The following TNS1 variants were observed in gnomAD, a reference collection of about 807,000 sequenced individuals.
TNS1 encodes tensin-1.
A neutral mutation model predicts 168.6 loss-of-function variants in TNS1; 62 were observed. The observed-to-expected ratio is 0.37, with a 90% CI of 0.30 to 0.45. The LOEUF is 0.45. Among genes scored for constraint, TNS1 ranks in the 20% least tolerant of loss-of-function variants. The pLI, the probability that TNS1 is intolerant of heterozygous loss-of-function variation, is 1.00. For missense variants in TNS1, 2,240 were observed against 2,339.4 expected (o/e 0.96, Z 0.88); for synonymous variants, 934 against 933.2 (o/e 1.00, Z -0.02).
intron 3 of TNS1, among the ~76,000 whole-genome samples, chr2:217,968,153 T>G (rs58487918): frequency 0.018 from 2,799 of 152,356 alleles, 81 homozygotes; most frequent in African/African-American, 0.064. Flanking sequence ...CTCAACCTGA[T>G]GAAGGGCATC....
intron 18 of TNS1, among the ~76,000 whole-genome samples, chr2:217,877,999 C>T (rs886301231): frequency 6.6e-6 from 1 of 152,154 alleles, no homozygotes; most frequent in Non-Finnish European, 1.5e-5. Context: ...AGGCAGGGGG[C>T]CACTTTCAGA....
At chr2:217,943,053 ATCAGAG>A (rs2125946993) in intron 3 of TNS1, among the ~76,000 whole-genome samples, 1 of 152,186 alleles carries the variant, frequency 6.6e-6, no homozygotes, top group Admixed American at 6.5e-5. Flanking sequence ...CAGGCAGGGC[ATCAGAG>A]TCAGAGGACA....
intron 22 of TNS1, chr2:217,830,133 G>C (rs1944205966): frequency 2.1e-6 from 1 of 479,938 alleles, no homozygotes; most frequent in Admixed American, 6.4e-5. Context: ...AAGGCTCCGA[G>C]GCATAGTTGA....
At chr2:217,805,527 A>ACCACACACCAC (rs1938572484) in intron 32 of TNS1, among the ~76,000 whole-genome samples, 3 of 26,602 alleles carry the variant, frequency 1.1e-4, no homozygotes, top group Admixed American at 3.7e-4. Flanking sequence ...CACACACACC[A>ACCACACACCAC]CACACACCAC....
chr2:217,903,727 T>C (rs940213801), intron 6 of TNS1: 5 of 879,842 alleles, frequency 5.7e-6, no homozygotes, highest in African/African-American at 5.0e-5. Flanking sequence ...CCCTCATCCT[T>C]CCTGCTGCAG....
chr2:217,855,041 T>A (rs1219396239), intron 18 of TNS1, among the ~76,000 whole-genome samples: 1 of 152,230 alleles, frequency 6.6e-6, no homozygotes, highest in East Asian at 1.9e-4. Flanking sequence ...GCTAAGGCTC[T>A]TAAGCTAGAC....
intron 3 of TNS1, among the ~76,000 whole-genome samples, chr2:217,958,757 A>T (rs1957425323): frequency 6.6e-6 from 1 of 152,196 alleles, no homozygotes; most frequent in Non-Finnish European, 1.5e-5. Flanking sequence ...GCAGGTAAGC[A>T]ACCAGTCCAG....
rs778422057 is a variant in TNS1 at position 217,824,148 on chromosome 2, T to C, written c.3374-2210A>G. Reference sequence around the variant, plus strand: ...ACAACAGGACAGTGAATGGGCATGGTTGGGTTGCAATCAAACTTTCTTTAC... The same window carrying C: ...ACAACAGGACAGTGAATGGGCATGGCTGGGTTGCAATCAAACTTTCTTTAC... On this transcript the variant is annotated intron_variant, in intron 22 of 32. Transcript: ENST00000682258. Among the ~76,000 whole-genome samples the C allele has an allele frequency of 1.6e-4, 24 of 152,294 alleles. 1 individual carries two copies. The highest frequency in any genetic ancestry group is 8.3e-4 in the South Asian group (4 of 4,826).
chr2:217,904,078 G>C (rs1365189860), intron 6 of TNS1, among the ~76,000 whole-genome samples: 1 of 152,178 alleles, frequency 6.6e-6, no homozygotes, highest in Non-Finnish European at 1.5e-5. Flanking sequence ...GCCAGAGATT[G>C]GTGACCAACC....
chr2:217,856,173 G>T (rs1400080982), intron 18 of TNS1, among the ~76,000 whole-genome samples: 2 of 152,214 alleles, frequency 1.3e-5, no homozygotes, highest in Admixed American at 6.5e-5. Context: ...GCTCCATCCA[G>T]GGGAAATGGG....
At chr2:217,908,958 C>T (rs563705256) in intron 4 of TNS1, among the ~76,000 whole-genome samples, 4 of 152,244 alleles carry the variant, frequency 2.6e-5, no homozygotes, top group East Asian at 1.9e-4. Flanking sequence ...CAGCTCAGCC[C>T]TAATCCTAAC....
chr2:218,029,034 C>T (rs982392244), intron 1 of TNS1, among the ~76,000 whole-genome samples: 2 of 152,216 alleles, frequency 1.3e-5, no homozygotes, highest in Non-Finnish European at 2.9e-5. Flanking sequence ...CTTTCCCTTC[C>T]GGAAATAGCA....
chr2:217,847,965 G>T lies in TNS1; in HGVS notation c.2552C>A (p.Ala851Asp), dbSNP rs769433425. ...MLDLEPASAA[A>D]PLHKSQSVPG... ...GACACTCTGGGACTTGTGTAGTGGG[G>T]CAGCAGCGGAGGCTGGCTCCAGGTC... Residue 851 changes from alanine (A) to aspartate (D), a missense_variant, in exon 19 of 33, where the codon GCC (alanine) becomes GAC (aspartate). By Grantham distance (126) the Ala-to-Asp change is moderately radical (BLOSUM62 -2). Transcript: ENST00000682258. The T allele has an allele frequency of 5.3e-6, 8 of 1,508,906 alleles. No individual in the cohort carries two copies. The highest frequency in any genetic ancestry group is 7.1e-6 in the Non-Finnish European group (8 of 1,126,112). The allele number at this position is 1,508,906 out of a possible 1,614,324, so 93.5% of individuals were successfully genotyped here.
intron 3 of TNS1, among the ~76,000 whole-genome samples, chr2:217,974,618 G>A (rs907481385): frequency 5.3e-4 from 81 of 152,268 alleles, no homozygotes; most frequent in African/African-American, 1.7e-3. Flanking sequence ...TCTCAAGCAC[G>A]TCCAAGTGGC....
At chr2:217,938,376 C>T (rs1316576914) in intron 3 of TNS1, among the ~76,000 whole-genome samples, 4 of 152,180 alleles carry the variant, frequency 2.6e-5, no homozygotes, top group African/African-American at 9.7e-5. Context: ...AGGCCTGGGA[C>T]AGAGAGGGAT....
intron 3 of TNS1, among the ~76,000 whole-genome samples, chr2:217,946,967 T>TCACACACACA (rs1377730479): frequency 1.2e-4 from 15 of 125,358 alleles, no homozygotes; most frequent in African/African-American, 5.4e-4. Context: ...TCTCTCTCTC[T>TCACACACACA]CTCACACACA....
chr2:217,851,123 A>AACAC lies in TNS1; in HGVS notation c.1430-2040_1430-2037dup, dbSNP rs533619206. Among the ~76,000 whole-genome samples the AACAC allele has an allele frequency of 4.2e-3, 611 of 145,960 alleles. 4 individuals are homozygous for AACAC. Among genetic ancestry groups the AACAC allele is most frequent in the African/African-American group, 0.014 (566 of 39,984 alleles). On this transcript the variant is annotated intron_variant, in intron 18 of 32. Transcript: ENST00000682258. The stretch of plus-strand genomic sequence containing the variant: ...TATGCTACACCTCCCTCATATCACA[A>AACAC]ACACACACACACACACATACACACA...
chr2:217,924,203 T>G (rs1955887197), intron 3 of TNS1, among the ~76,000 whole-genome samples: 1 of 152,178 alleles, frequency 6.6e-6, no homozygotes, highest in Non-Finnish European at 1.5e-5. Flanking sequence ...TGGAATGCTC[T>G]TCCTCCAGCT....
chr2:218,023,332 T>G (rs1055800714), intron 1 of TNS1, among the ~76,000 whole-genome samples: 1 of 152,180 alleles, frequency 6.6e-6, no homozygotes, highest in East Asian at 1.9e-4. Flanking sequence ...GGGCCTCAAC[T>G]TCCCCCTCTG....
Sources: gnomAD v4.1 joint callset for allele counts (sites outside exome capture counted in the v4.1 genomes callset) on GRCh38, gnomAD v4.1.1 for gene constraint, MANE v1.5 for transcripts, NCBI Gene and HGNC (gene_info 2026-07-23, HGNC 2026-07-21) for gene names.